Variants in HDLBP observed in about 807,000 individuals in gnomAD.
The protein encoded by HDLBP is high density lipoprotein binding protein, also known as vigilin.
A neutral mutation model predicts 137.3 loss-of-function variants in HDLBP; 30 were observed. The ratio of observed to expected loss-of-function variants is 0.22; its 90% CI spans 0.16 to 0.30. The LOEUF is 0.30. Among genes scored for constraint, HDLBP ranks in the 10% least tolerant of loss-of-function variants. The pLI, the probability that HDLBP is intolerant of heterozygous loss-of-function variation, is 1.00. For missense variants in HDLBP, 1,119 were observed against 1,667.3 expected, an observed-to-expected ratio of 0.67 and a Z score of 5.73; for synonymous variants, 606 against 596.0, an observed-to-expected ratio of 1.02 and a Z score of -0.24.
intron 24 of HDLBP, among the ~76,000 whole-genome samples, chr2:241,231,889 G>A (rs7600666): frequency 1.9e-4 from 19 of 98,830 alleles, no homozygotes; most frequent in Non-Finnish European, 3.1e-4. Context: ...ACTAGAGGAC[G>A]GGGACAAATC....
intron 11 of HDLBP, among the ~76,000 whole-genome samples, chr2:241,251,329 C>T (rs2149461240): frequency 6.6e-6 from 1 of 152,318 alleles, no homozygotes; most frequent in Middle Eastern, 3.4e-3. Flanking sequence ...ATGTGTGGTT[C>T]AAGTAGTGCG....
At chr2:241,276,352 C>A (rs1253960756) in intron 1 of HDLBP, among the ~76,000 whole-genome samples, 1 of 151,920 alleles carries the variant, frequency 6.6e-6, no homozygotes, top group Non-Finnish European at 1.5e-5. Flanking sequence ...GTATTCATTA[C>A]GATGTACATT....
rs1463017803 is a variant in HDLBP, at chr2:241,240,851, CGG to C, written c.2170-731_2170-730del. Among the ~76,000 whole-genome samples the C allele has an allele frequency of 6.6e-6, 1 of 152,156 alleles. No homozygotes were observed. The highest frequency in any genetic ancestry group is 2.4e-5 in the African/African-American group (1 of 41,450). On this transcript the variant is annotated intron_variant, in intron 17 of 27. Transcript: ENST00000310931. The surrounding 1 kb of genome is among the most constrained non-coding windows in gnomAD (Gnocchi z 5.5). ...GGGCCCCGAGAAGGGCGCTGCTCCACGGGACTCAGGTCCACACGGGGAGCTCT... is the reference window on the plus strand; with the variant it reads ...GGGCCCCGAGAAGGGCGCTGCTCCACGACTCAGGTCCACACGGGGAGCTCT...
intron 11 of HDLBP, among the ~76,000 whole-genome samples, 189 bp downstream of exon 11, chr2:241,252,768 A>G (rs2072295618): frequency 6.6e-6 from 1 of 152,184 alleles, no homozygotes; most frequent in African/African-American, 2.4e-5. Context: ...CTCTAATCCA[A>G]CCACTGCACC....
intron 12 of HDLBP, among the ~76,000 whole-genome samples, chr2:241,248,678 C>T (rs556535182): frequency 6.6e-6 from 1 of 152,164 alleles, no homozygotes; most frequent in Non-Finnish European, 1.5e-5. Flanking sequence ...ATTCAGTGAG[C>T]ACTTCTGTTT....
Position 241,256,203 on chromosome 2 carries a change from T to C in HDLBP, c.854A>G (p.Lys285Arg). ...GTGTACCTTCTCCTCATAAATCTTCTTGATGCGAGCCACAGCCTGAGCCAA... is the reference window on the plus strand; with the variant it reads ...GTGTACCTTCTCCTCATAAATCTTCCTGATGCGAGCCACAGCCTGAGCCAA... ...EQLAQAVARI[K>R]KIYEEKKKKT... Residue 285 changes from lysine to arginine, a missense_variant, in exon 7 of 28, where the codon AAG (lysine) becomes AGG (arginine). Lys to Arg is a conservative substitution (Grantham distance 26). Transcript: ENST00000310931. The C allele has an allele frequency of 6.2e-7, 1 of 1,614,172 alleles. No homozygotes were observed. The highest frequency in any genetic ancestry group is 1.7e-5 in the Admixed American group (1 of 60,036).
chr2:241,234,230 G>C (rs1382983146), intron 23 of HDLBP, among the ~76,000 whole-genome samples: 1 of 152,222 alleles, frequency 6.6e-6, no homozygotes, highest in East Asian at 1.9e-4. Context: ...ATCGTGCTCA[G>C]GAACTGACAG....
At chr2:241,261,551 T>C (rs1238027863) in intron 5 of HDLBP, among the ~76,000 whole-genome samples, 3 of 152,184 alleles carry the variant, frequency 2.0e-5, no homozygotes, top group Non-Finnish European at 4.4e-5. Flanking sequence ...TTCTGATCCA[T>C]ATATTCAGTG....
intron 5 of HDLBP, 77 bp from the exon 6 acceptor site, chr2:241,256,883 G>T: frequency 1.6e-6 from 2 of 1,240,352 alleles, no homozygotes; most frequent in Non-Finnish European, 2.3e-6. Flanking sequence ...AGACATTCTG[G>T]CAGAAACACC....
intron 1 of HDLBP, among the ~76,000 whole-genome samples, chr2:241,313,097 G>C (rs2075801440): frequency 6.6e-6 from 1 of 152,184 alleles, no homozygotes; most frequent in Non-Finnish European, 1.5e-5. Context: ...TTAAACCGCA[G>C]TTCAAGGACC....
chr2:241,310,595 G>A (rs560963504), intron 1 of HDLBP, among the ~76,000 whole-genome samples: 2 of 152,110 alleles, frequency 1.3e-5, no homozygotes, highest in South Asian at 2.1e-4. Flanking sequence ...TTAGAGGGGG[G>A]AAAAAGAAAC....
Position 241,230,680 on chromosome 2 carries a change from T to C in HDLBP, c.3474+79A>G, listed in dbSNP as rs1193230740. On this transcript the variant is annotated intron_variant, in intron 25 of 27. Coordinates refer to ENST00000310931, the MANE Select transcript of HDLBP (RefSeq NM_005336.6). The surrounding 1 kb of genome is among the most constrained non-coding windows in gnomAD (Gnocchi z 5.0). ...CCTCATCATCTTGAGGGGAAGGCCA[T>C]GCCCTGCTCTTTCTTCTGGCCAGCC... 2 of 1,249,222 alleles carry C rather than the reference T, an allele frequency of 1.6e-6. No individual in the cohort carries two copies. Among genetic ancestry groups the C allele is most frequent in the African/African-American group, 1.5e-5 (1 of 68,032 alleles). The allele number at this position is 1,249,222 out of a possible 1,614,324, so 77.4% of individuals were successfully genotyped here.
chr2:241,309,214 T>C (rs2075685149), intron 1 of HDLBP, among the ~76,000 whole-genome samples: 2 of 152,206 alleles, frequency 1.3e-5, no homozygotes, highest in African/African-American at 4.8e-5. Context: ...CTTGTCCACA[T>C]TGGACATACT....
chr2:241,308,772 T>C (rs1056026073), intron 1 of HDLBP, among the ~76,000 whole-genome samples: 6 of 152,144 alleles, frequency 3.9e-5, no homozygotes, highest in Non-Finnish European at 1.5e-5. Flanking sequence ...ACAACAATAC[T>C]TGCCTCCTAC....
intron 1 of HDLBP, among the ~76,000 whole-genome samples, chr2:241,307,360 C>A (rs537485104): frequency 4.9e-4 from 74 of 152,334 alleles, no homozygotes; most frequent in African/African-American, 1.8e-3. Flanking sequence ...CCTCTTCCTG[C>A]CCCAGGAGAG....
intron 23 of HDLBP, among the ~76,000 whole-genome samples, chr2:241,234,895 A>T (rs753095700): frequency 1.3e-5 from 2 of 152,206 alleles, no homozygotes; most frequent in Non-Finnish European, 2.9e-5. Context: ...TTTACACGGA[A>T]GTCCAACTTT....
intron 1 of HDLBP, among the ~76,000 whole-genome samples, chr2:241,299,599 G>A (rs558533536): frequency 1.3e-5 from 2 of 148,350 alleles, no homozygotes; most frequent in South Asian, 4.3e-4. Flanking sequence ...AGATAACACT[G>A]ACCATTCCAG....
chr2:241,241,376 G>C (rs2071199110), intron 17 of HDLBP, among the ~76,000 whole-genome samples: 1 of 151,840 alleles, frequency 6.6e-6, no homozygotes, highest in Non-Finnish European at 1.5e-5. Context: ...GACCATCCTA[G>C]CTAACACTGT....
At chr2:241,277,040 C>T (rs1429910634) in intron 1 of HDLBP, among the ~76,000 whole-genome samples, 1 of 151,104 alleles carries the variant, frequency 6.6e-6, no homozygotes, top group Admixed American at 6.6e-5. Context: ...TAGTAACATT[C>T]TCAGACCACC....
Sources: gnomAD v4.1 joint callset for allele counts (sites outside exome capture counted in the v4.1 genomes callset) on GRCh38, gnomAD v4.1.1 for gene constraint, Gnocchi (gnomAD v3.1) non-coding constraint, MANE v1.5 for transcripts, NCBI Gene and HGNC (gene_info 2026-07-23, HGNC 2026-07-21) for gene names.